Variants in PKP3 observed in about 807,000 individuals in gnomAD.
PKP3 encodes plakophilin-3.
PKP3 carries 66 observed loss-of-function variants against 76.5 expected under a neutral mutation model. The ratio of observed to expected loss-of-function variants is 0.86; its 90% CI spans 0.71 to 1.06. The LOEUF is 1.06. Ranked by LOEUF, PKP3 falls within the 50% of genes least tolerant of loss-of-function variation. PKP3 has a pLI of 0.00. For synonymous variants in PKP3, 638 were observed against 516.5 expected, an observed-to-expected ratio of 1.24 and a Z score of -3.19; for missense variants, 1,338 against 1,141.0, an observed-to-expected ratio of 1.17 and a Z score of -2.49.
chr11:394,278 G>A lies in PKP3; in HGVS notation c.-15G>A, dbSNP rs542160822. 1,235 of 1,495,932 alleles carry A rather than the reference G, an allele frequency of 8.3e-4. 8 individuals carry two copies. In the African/African-American group the frequency reaches 0.015, roughly 18 times the overall value. 92.7% of individuals were successfully genotyped at this position (1,495,932 alleles called of 1,614,324 possible). A position where few individuals can be genotyped will look rare whatever the true frequency, so the allele number is the denominator to read the frequency against. ...GGAGGCGGCCGCCAGGCCCAGGCCC[G>A]GTGGACCTGCCGCCATGCAGGACGG... On this transcript the variant is annotated 5_prime_UTR_variant, in exon 1 of 13. Transcript: ENST00000331563.
upstream of PKP3, chr11:394,103 C>T: frequency 1.2e-6 from 1 of 848,064 alleles, no homozygotes; most frequent in South Asian, 2.4e-5. Context: ...AGGCGGCGGC[C>T]CCTCCCTCCC....
intron 6 of PKP3, 75 bp from the exon 7 acceptor site, chr11:400,259 G>A (rs1453333481): frequency 1.4e-6 from 2 of 1,427,136 alleles, no homozygotes; most frequent in South Asian, 1.3e-5. Context: ...ATGGGCGTGC[G>A]AGGGCCCACG....
rs1362983728 is a variant in PKP3 at position 397,560 on chromosome 11, C to T, written c.966C>T (p.Pro322=). 1 of 1,612,232 alleles carries T rather than the reference C, an allele frequency of 6.2e-7. No individual in the cohort carries two copies. The highest frequency in any genetic ancestry group is 1.7e-5 in the Admixed American group (1 of 59,978). ...GCAGTTTTGATGACATTGACCTGCC[C>T]TCAGCAGTCAAGTACCTCATGGCTT... ...LSSGFDDIDL[P]SAVKYLMASD... The change falls in exon 4 of 13, where the codon CCC becomes CCT. Residue 322 remains proline, a synonymous_variant. Coordinates refer to ENST00000331563, the MANE Select transcript of PKP3 (RefSeq NM_007183.4).
chr11:403,153 C>T lies in PKP3; in HGVS notation c.1813C>T (p.Pro605Ser). 1 of 1,582,516 alleles carries T rather than the reference C, an allele frequency of 6.3e-7. No homozygotes were observed. The highest frequency in any genetic ancestry group is 8.6e-7 in the Non-Finnish European group (1 of 1,166,184). ...CAAGGGCCTCGAGTGGCTGTGGAGC[C>T]CCCAGATCGTGGGGCTGTACAACCG... ...DPKGLEWLWSPQIVGLYNRLL... is the reference protein window; with the variant it reads ...DPKGLEWLWSSQIVGLYNRLL... The change falls in exon 9 of 13, where the codon CCC becomes TCC. Residue 605 changes from proline (P) to serine (S), a missense_variant. Transcript: ENST00000331563.
intron 6 of PKP3, 94 bp downstream of exon 6, chr11:400,235 G>T (rs1048314975): frequency 1.6e-5 from 22 of 1,409,392 alleles, no homozygotes; most frequent in Non-Finnish European, 2.1e-5. Flanking sequence ...CACACCGCAC[G>T]CCTCGCGCTG....
intron 4 of PKP3, 101 bp from the exon 5 acceptor site, chr11:398,891 C>T: frequency 1.1e-6 from 1 of 936,214 alleles, no homozygotes; most frequent in Non-Finnish European, 1.6e-6. Flanking sequence ...GCTGCATCCC[C>T]TGCATATCTA....
At position 400,411 on chromosome 11, in the gene PKP3, C is replaced by A. The variant is rs571248956; in HGVS notation, c.1526C>A (p.Ser509Tyr). Reference protein sequence around the residue: ...CHGLVDALVTSINHALDAGKC... With the variant: ...CHGLVDALVTYINHALDAGKC... The stretch of plus-strand genomic sequence containing the variant: ...GGGCTGGTGGACGCCCTGGTCACCT[C>A]TATCAACCACGCCCTGGACGCGGGC... Residue 509 changes from serine (S) to tyrosine (Y), a missense_variant, in exon 7 of 13, where the codon TCT becomes TAT. By Grantham distance (144) the Ser-to-Tyr change is moderately radical. Transcript: ENST00000331563. 3.9e-6 allele frequency: 6 copies of A among 1,548,682 alleles called. No individual in the cohort carries two copies. The Admixed American group carries it at 1.2e-4, about 30-fold the overall frequency.
rs556766132 is a variant in PKP3, at chr11:400,474, G to C, written c.1566+23G>C. 774 of 1,525,822 alleles carry C rather than the reference G, an allele frequency of 5.1e-4. 4 individuals are homozygous for C. In the African/African-American group the frequency reaches 9.9e-3, roughly 19 times the overall value. 94.5% of individuals were successfully genotyped at this position (1,525,822 alleles called of 1,614,324 possible). A position where few individuals can be genotyped will look rare whatever the true frequency, so the allele number is the denominator to read the frequency against. ...AAGGTGAGGGGCGCGGTGTGGAGGA[G>C]GGGCCGTGCCCCCGGGCCGCCGCTC... On this transcript the variant is annotated intron_variant, in intron 7 of 12. Transcript: ENST00000331563.
intron 1 of PKP3, among the ~76,000 whole-genome samples, chr11:395,265 G>C (rs573065237): frequency 8.5e-5 from 13 of 152,050 alleles, no homozygotes; most frequent in Non-Finnish European, 1.8e-4. Context: ...ATTAAGGTTA[G>C]ACAGTAAGAT....
In PKP3 at chr11:394,288, C is replaced by T; in HGVS notation, c.-5C>T. On this transcript the variant is annotated 5_prime_UTR_variant, in exon 1 of 13. Coordinates refer to ENST00000331563, the MANE Select transcript of PKP3 (RefSeq NM_007183.4). ...GCCAGGCCCAGGCCCGGTGGACCTG[C>T]CGCCATGCAGGACGGTAACTTCCTG... 14 of 1,503,162 alleles carry T rather than the reference C, an allele frequency of 9.3e-6. No individual in the cohort carries two copies. Among genetic ancestry groups the T allele is most frequent in the Non-Finnish European group, 1.2e-5 (14 of 1,132,548 alleles). The allele number at this position is 1,503,162 out of a possible 1,614,324, so 93.1% of individuals were successfully genotyped here.
intron 4 of PKP3, chr11:397,921 GTACCCCCACATATACCTCA>G: frequency 3.4e-6 from 1 of 295,898 alleles, no homozygotes; most frequent in Non-Finnish European, 5.8e-6. Context: ...CGTCACCTCC[GTACCCCCACATATACCTCA>G]TCACCTCCAT....
chr11:403,794 C>T (rs1847201440), intron 10 of PKP3, 23 bp downstream of exon 10: 1 of 1,603,070 alleles, frequency 6.2e-7, no homozygotes, highest in Non-Finnish European at 8.5e-7. Flanking sequence ...GCCCCTCGTC[C>T]CTGCCCTGCT....
intron 5 of PKP3, among the ~76,000 whole-genome samples, chr11:399,762 C>T (rs528006952): frequency 6.6e-6 from 1 of 151,202 alleles, no homozygotes; most frequent in Non-Finnish European, 1.5e-5. Context: ...TGCTCACCAC[C>T]CCACCCCCAC....
At position 397,219 on chromosome 11, in the gene PKP3, A is replaced by G; in HGVS notation, c.718A>G (p.Ser240Gly). 6.3e-7 allele frequency: 1 copy of G among 1,599,088 alleles called. No homozygotes were observed. Among genetic ancestry groups the G allele is most frequent in the South Asian group, 1.1e-5 (1 of 90,906 alleles). Residue 240 changes from serine to glycine, a missense_variant, in exon 3 of 13, where the codon AGC becomes GGC. Transcript: ENST00000331563. ...GCCCGAGGCCACTGAGGTTTCCCCGAGCCGGACCATCCGTGCCCCTGCCGT... is the reference window on the plus strand; with the variant it reads ...GCCCGAGGCCACTGAGGTTTCCCCGGGCCGGACCATCCGTGCCCCTGCCGT... Reference protein sequence around the residue: ...DWPEATEVSPSRTIRAPAVRT... With the variant: ...DWPEATEVSPGRTIRAPAVRT...
chr11:399,357 CT>C (rs1438939589), intron 5 of PKP3, among the ~76,000 whole-genome samples, 161 bp downstream of exon 5: 3 of 50,704 alleles, frequency 5.9e-5, no homozygotes, highest in Admixed American at 1.6e-4. Flanking sequence ...TCCTCCCCCC[CT>C]CTGCCTTACC....
rs571248956 is a variant in PKP3 at position 400,411 on chromosome 11, C to T, written c.1526C>T (p.Ser509Phe). The T allele has an allele frequency of 1.2e-5, 19 of 1,548,564 alleles. No homozygotes were observed. In the Admixed American group the frequency reaches 3.7e-4, roughly 30 times the overall value. Residue 509 changes from serine to phenylalanine, a missense_variant, in exon 7 of 13, where the codon TCT (serine) becomes TTT (phenylalanine). Ser to Phe is a radical substitution (Grantham distance 155). Transcript: ENST00000331563. Reference protein sequence around the residue: ...CHGLVDALVTSINHALDAGKC... With the variant: ...CHGLVDALVTFINHALDAGKC... ...GGGCTGGTGGACGCCCTGGTCACCTCTATCAACCACGCCCTGGACGCGGGC... is the reference window on the plus strand; with the variant it reads ...GGGCTGGTGGACGCCCTGGTCACCTTTATCAACCACGCCCTGGACGCGGGC...
At chr11:403,056 G>T (rs1235109476) in intron 8 of PKP3, 22 bp from the exon 9 acceptor site, 3 of 1,080,468 alleles carry the variant, frequency 2.8e-6, no homozygotes, top group Admixed American at 4.5e-5. Context: ...CGACCCCGCC[G>T]ACTCCTCCCC....
Position 403,750 on chromosome 11 carries a change from G to A in PKP3, c.2056G>A (p.Ala686Thr), listed in dbSNP as rs148355152. 9.3e-6 allele frequency: 15 copies of A among 1,608,024 alleles called. No homozygotes were observed. The highest frequency in any genetic ancestry group is 4.0e-5 in the African/African-American group (3 of 75,038). ...CCTCATCCGAAACCTGTCTCGGAAC[G>A]CTAGGAACAAGGACGAGATGTGTGA... is the stretch of plus-strand genomic sequence containing the variant. ...TGLIRNLSRN[A>T]RNKDEMSTKV... Residue 686 changes from alanine to threonine, a missense_variant, in exon 10 of 13, where the codon GCT (alanine) becomes ACT (threonine). Physicochemically the swap from Ala to Thr is moderately conservative, Grantham distance 58. Transcript: ENST00000331563.
Position 400,714 on chromosome 11 carries a change from C to T in PKP3, c.1737+9C>T. On this transcript the variant is annotated intron_variant, in intron 8 of 12. Coordinates refer to ENST00000331563, the MANE Select transcript of PKP3 (RefSeq NM_007183.4). ...GCCGGCGGCTGCGCGAGGTGGGCAC[C>T]AGCCTGAGCGGGGCGTGGGGTGGGT... 1.6e-6 allele frequency: 2 copies of T among 1,238,022 alleles called. No individual in the cohort carries two copies. Among genetic ancestry groups the T allele is most frequent in the Non-Finnish European group, 2.0e-6 (2 of 985,902 alleles). The allele number at this position is 1,238,022 out of a possible 1,614,324, so 76.7% of individuals were successfully genotyped here.
Sources: gnomAD v4.1 joint callset for allele counts (sites outside exome capture counted in the v4.1 genomes callset) on GRCh38, gnomAD v4.1.1 for gene constraint, MANE v1.5 for transcripts, NCBI Gene and HGNC (gene_info 2026-07-23, HGNC 2026-07-21) for gene names.